Variants in BBS9 observed in about 807,000 individuals in gnomAD.
BBS9 encodes Bardet-Biedl syndrome 9.
A neutral mutation model predicts 117.7 loss-of-function variants in BBS9; 89 were observed. The ratio of observed to expected loss-of-function variants is 0.76; its 90% CI spans 0.64 to 0.90. BBS9 has a LOEUF of 0.90. Among genes scored for constraint, BBS9 ranks in the 40% least tolerant of loss-of-function variants. The probability of loss-of-function intolerance (pLI) is 0.00; values close to 1 mark genes in which losing one functional copy is unlikely to be tolerated. For missense variants in BBS9, 982 were observed against 1,042.2 expected, an observed-to-expected ratio of 0.94 and a Z score of 0.80; for synonymous variants, 379 against 370.9, an observed-to-expected ratio of 1.02 and a Z score of -0.25.
chr7:33,432,936 A>G (rs953271288), intron 19 of BBS9, among the ~76,000 whole-genome samples: 3 of 152,116 alleles, frequency 2.0e-5, no homozygotes, highest in Non-Finnish European at 2.9e-5. Flanking sequence ...GATCTAGTCT[A>G]TAATTCAGAC....
At chr7:33,491,709 G>A (rs1211267710) in intron 19 of BBS9, among the ~76,000 whole-genome samples, 2 of 152,092 alleles carry the variant, frequency 1.3e-5, no homozygotes, top group Non-Finnish European at 2.9e-5. Flanking sequence ...GGACACACAG[G>A]GTGCTTTGAG....
chr7:33,163,516 T>C (rs1204108869), intron 4 of BBS9, among the ~76,000 whole-genome samples: 9 of 152,216 alleles, frequency 5.9e-5, no homozygotes, highest in Admixed American at 5.2e-4. Context: ...GAACCTGTTA[T>C]TTGTCTATTC....
chr7:33,574,725 ACGCG>A (rs144503125), intron 21 of BBS9, among the ~76,000 whole-genome samples: 162 of 125,874 alleles, frequency 1.3e-3, no homozygotes, highest in Middle Eastern at 3.9e-3. Context: ...ACACACACAC[ACGCG>A]CACACACACA....
chr7:33,221,956 A>G (rs1027740487), intron 5 of BBS9, among the ~76,000 whole-genome samples: 3 of 152,238 alleles, frequency 2.0e-5, no homozygotes, highest in African/African-American at 7.2e-5. Context: ...GCTAAAGACC[A>G]AATACAGTAT....
At position 33,304,527 on chromosome 7, in the gene BBS9, G is replaced by A. The variant is rs866350181; in HGVS notation, c.1016+30571G>A. Reference sequence around the variant, plus strand: ...CCACCCCGTCTGGGATCTGAGGAGCGTCTCTCCTCGGCTGCCCTGTCTGGG... The same window carrying A: ...CCACCCCGTCTGGGATCTGAGGAGCATCTCTCCTCGGCTGCCCTGTCTGGG... On this transcript the variant is annotated intron_variant, in intron 9 of 22. Transcript: ENST00000242067. 5.9e-5 allele frequency among the ~76,000 whole-genome samples: 9 copies of A among 151,438 alleles called. No individual in the cohort carries two copies. The East Asian group carries it at 6.0e-4, about 10-fold the overall frequency.
intron 19 of BBS9, among the ~76,000 whole-genome samples, chr7:33,466,065 G>GATAT (rs144159866): frequency 1.3e-5 from 2 of 150,398 alleles, no homozygotes; most frequent in African/African-American, 4.9e-5. Flanking sequence ...TTGAGAGAGA[G>GATAT]ATATATATAT....
intron 21 of BBS9, among the ~76,000 whole-genome samples, chr7:33,564,154 ATATCT>A (rs1206067895): frequency 1.3e-5 from 2 of 152,066 alleles, no homozygotes; most frequent in Admixed American, 6.6e-5. Context: ...GAGAGGAGAG[ATATCT>A]TATTTATTTT....
intron 9 of BBS9, among the ~76,000 whole-genome samples, chr7:33,296,166 A>G (rs192419432): frequency 2.3e-4 from 35 of 152,268 alleles, no homozygotes; most frequent in Admixed American, 2.2e-3. Context: ...AACCCAAAAT[A>G]GATTACTTAA....
chr7:33,223,196 A>G (rs184276472), intron 5 of BBS9, among the ~76,000 whole-genome samples: 32 of 152,176 alleles, frequency 2.1e-4, no homozygotes, highest in Admixed American at 3.3e-4. Context: ...AAACTTTTAT[A>G]TATTTATTGT....
At chr7:33,461,778 GAATT>G (rs1839501841) in intron 19 of BBS9, among the ~76,000 whole-genome samples, 1 of 152,024 alleles carries the variant, frequency 6.6e-6, no homozygotes, top group Non-Finnish European at 1.5e-5. Flanking sequence ...CTATGAAATA[GAATT>G]AATTTTTTTC....
At chr7:33,154,031 T>C (rs1464218798) in intron 3 of BBS9, among the ~76,000 whole-genome samples, 1 of 152,240 alleles carries the variant, frequency 6.6e-6, no homozygotes, top group Non-Finnish European at 1.5e-5. Flanking sequence ...CTCATCTATG[T>C]GCTCACATTG....
chr7:33,597,883 AAAAAC>A (rs999821461), intron 21 of BBS9, among the ~76,000 whole-genome samples: 2 of 151,754 alleles, frequency 1.3e-5, no homozygotes, highest in Non-Finnish European at 2.9e-5. Flanking sequence ...AAAAAAAAAA[AAAAAC>A]AAAACAAAAA....
At chr7:33,347,050 C>T (rs934637977) in intron 12 of BBS9, among the ~76,000 whole-genome samples, 1 of 152,112 alleles carries the variant, frequency 6.6e-6, no homozygotes, top group South Asian at 2.1e-4. Flanking sequence ...AGGATTCTGG[C>T]AGATAGCAGT....
intron 18 of BBS9, among the ~76,000 whole-genome samples, chr7:33,387,435 A>AT (rs1826226342): frequency 6.6e-6 from 1 of 151,508 alleles, no homozygotes; most frequent in African/African-American, 2.4e-5. Context: ...TATTGCTGTT[A>AT]TTTTTTGCAG....
At position 33,352,839 on chromosome 7, in the gene BBS9, G is replaced by A; in HGVS notation, c.1538-20G>A. On this transcript the variant is annotated intron_variant, in intron 14 of 22. Transcript: ENST00000242067. Reference sequence around the variant, plus strand: ...CCTTCTTTTCCCCCTACCCATTTTTGCATTGCCTGTGATGGACAGATCGAA... The same window carrying A: ...CCTTCTTTTCCCCCTACCCATTTTTACATTGCCTGTGATGGACAGATCGAA... The A allele has an allele frequency of 1.9e-6, 3 of 1,611,988 alleles. No individual in the cohort carries two copies. Among genetic ancestry groups the A allele is most frequent in the Non-Finnish European group, 2.5e-6 (3 of 1,178,402 alleles).
chr7:33,209,856 A>T (rs1488150716), intron 5 of BBS9, among the ~76,000 whole-genome samples: 1 of 151,862 alleles, frequency 6.6e-6, no homozygotes, highest in Non-Finnish European at 1.5e-5. Context: ...TGTGTCATTG[A>T]TCCTTTCTAC....
At chr7:33,588,542 C>T (rs939353285) in intron 21 of BBS9, among the ~76,000 whole-genome samples, 4 of 152,084 alleles carry the variant, frequency 2.6e-5, no homozygotes, top group Non-Finnish European at 5.9e-5. Context: ...AGATCCCTGC[C>T]ATTTTGGAAC....
At chr7:33,502,494 T>G (rs1398070586) in intron 19 of BBS9, among the ~76,000 whole-genome samples, 2 of 152,158 alleles carry the variant, frequency 1.3e-5, no homozygotes, top group Non-Finnish European at 2.9e-5. Flanking sequence ...TAGGAAGTAA[T>G]GAATGTTGAG....
intron 21 of BBS9, among the ~76,000 whole-genome samples, chr7:33,537,841 A>C (rs938973406): frequency 2.0e-5 from 3 of 152,220 alleles, no homozygotes; most frequent in Non-Finnish European, 2.9e-5. Flanking sequence ...GCAAAACTTA[A>C]TGTATACATG....
Sources: allele counts gnomAD v4.1 joint callset (sites outside exome capture counted in the v4.1 genomes callset), GRCh38; gene constraint gnomAD v4.1.1; transcripts MANE v1.5; gene names NCBI Gene and HGNC (gene_info 2026-07-23, HGNC 2026-07-21).